The following GC variants were observed in gnomAD, a reference collection of about 807,000 sequenced individuals.
GC encodes GC vitamin D binding protein, also known as vitamin D-binding protein.
Under a neutral mutation model 56.7 loss-of-function variants are expected in GC, and 43 were observed. The observed-to-expected ratio is 0.76, with a 90% CI of 0.59 to 0.98. GC has a LOEUF of 0.98. Ranked by LOEUF, GC falls within the 50% of genes least tolerant of loss-of-function variation. GC has a pLI of 0.00. For missense variants in GC, 529 were observed against 545.9 expected (o/e 0.97, Z 0.31); for synonymous variants, 216 against 202.7 (o/e 1.07, Z -0.56).
chr4:71,764,275 C>T (rs1300342750), intron 4 of GC, among the ~76,000 whole-genome samples: 1 of 152,164 alleles, frequency 6.6e-6, no homozygotes, highest in Non-Finnish European at 1.5e-5. Flanking sequence ...AGCCACCATG[C>T]TTGGCCCCCA....
chr4:71,804,376 C>T (rs35096193), upstream of GC, among the ~76,000 whole-genome samples: 2 of 152,038 alleles, frequency 1.3e-5, no homozygotes, highest in African/African-American at 2.4e-5. Flanking sequence ...GGAGCAGTCA[C>T]GCAGTGTGGG....
intron 12 of GC, among the ~76,000 whole-genome samples, chr4:71,744,214 G>A (rs926086180): frequency 3.3e-5 from 5 of 151,226 alleles, no homozygotes; most frequent in Non-Finnish European, 4.4e-5. Context: ...AGGCCGAGGC[G>A]GGCGGATCAC....
chr4:71,767,608 G>GATATAT (rs201548231), intron 3 of GC, among the ~76,000 whole-genome samples: 2 of 145,998 alleles, frequency 1.4e-5, no homozygotes, highest in East Asian at 2.0e-4. Flanking sequence ...TTCATGAGCT[G>GATATAT]ATATATATAT....
intron 11 of GC, among the ~76,000 whole-genome samples, chr4:71,749,690 T>C (rs1374280458): frequency 1.3e-5 from 2 of 152,330 alleles, no homozygotes; most frequent in Non-Finnish European, 2.9e-5. Flanking sequence ...TAATTAATTA[T>C]TTTATGCTAA....
chr4:71,750,458 C>G (rs187192235), intron 11 of GC, among the ~76,000 whole-genome samples: 2 of 152,146 alleles, frequency 1.3e-5, no homozygotes, highest in Non-Finnish European at 2.9e-5. Context: ...TTTATACTTT[C>G]GTGACTTGCT....
intron 12 of GC, among the ~76,000 whole-genome samples, chr4:71,743,288 T>C (rs1413761403): frequency 6.6e-6 from 1 of 152,164 alleles, no homozygotes; most frequent in Non-Finnish European, 1.5e-5. Context: ...ATGAAACACA[T>C]AGCCAACCAA....
chr4:71,745,026 A>G (rs528861153), intron 12 of GC, among the ~76,000 whole-genome samples: 1 of 152,344 alleles, frequency 6.6e-6, no homozygotes, highest in Non-Finnish European at 1.5e-5. Context: ...TTTAGATTCA[A>G]CCAGTAGTAG....
chr4:71,744,458 CAAAA>C (rs35292398), intron 12 of GC, among the ~76,000 whole-genome samples: 1 of 83,738 alleles, frequency 1.2e-5, no homozygotes. Flanking sequence ...GACTCCATCT[CAAAA>C]AAAAAAAAAA....
In GC at chr4:71,768,452, A is replaced by T. The variant is rs766388905; in HGVS notation, c.129-19T>A. On this transcript the variant is annotated intron_variant, in intron 2 of 12. Transcript: ENST00000273951. ...TAGTGACCTGAGGGGAAAATAAGACAATATATCAATTAGAACTGAAAGGTT... is the reference window on the plus strand; with the variant it reads ...TAGTGACCTGAGGGGAAAATAAGACTATATATCAATTAGAACTGAAAGGTT... The T allele has an allele frequency of 1.9e-6, 3 of 1,593,024 alleles. No homozygotes were observed.
chr4:71,784,318 T>C (rs2149307207), upstream of GC: 8 of 1,077,846 alleles, frequency 7.4e-6, no homozygotes, highest in Non-Finnish European at 7.9e-6. Flanking sequence ...CCAAGGTATA[T>C]AGATTATTTT....
chr4:71,772,846 A>G (rs2149303334), intron 1 of GC, among the ~76,000 whole-genome samples: 1 of 152,230 alleles, frequency 6.6e-6, no homozygotes, highest in Admixed American at 6.5e-5. Context: ...CCCAAAATGT[A>G]CTTCTGATAA....
chr4:71,766,992 C>G (rs939551615), intron 3 of GC, among the ~76,000 whole-genome samples: 1 of 151,970 alleles, frequency 6.6e-6, no homozygotes, highest in Non-Finnish European at 1.5e-5. Context: ...GATGTATTAG[C>G]AAATATATGA....
chr4:71,770,335 G>C (rs1418636645), intron 1 of GC, among the ~76,000 whole-genome samples: 3 of 152,158 alleles, frequency 2.0e-5, no homozygotes, highest in Non-Finnish European at 4.4e-5. Flanking sequence ...CCCCAACAAA[G>C]TGCTATCTAC....
At position 71,794,423 on chromosome 4, in the gene GC, T is replaced by G. The variant is rs550544482; in HGVS notation, c.21+9503A>C. ...TCCAGAAATTTATCCATTTCTTCTA[T>G]ATTTTCTAGTTTATTTGCATAGAGG... On this transcript the variant is annotated intron_variant, in intron 1 of 13. Transcript: ENST00000504199. Among the ~76,000 whole-genome samples the G allele has an allele frequency of 1.2e-4, 18 of 152,186 alleles. No individual in the cohort carries two copies. The South Asian group carries it at 3.3e-3, about 28-fold the overall frequency.
chr4:71,791,418 G>T (rs1182442238), intron 1 of GC, among the ~76,000 whole-genome samples: 2 of 151,864 alleles, frequency 1.3e-5, no homozygotes, highest in Admixed American at 6.6e-5. Context: ...GTTTTTCAGT[G>T]ATTATCCTCA....
At chr4:71,792,062 T>C (rs545570279) in intron 1 of GC, among the ~76,000 whole-genome samples, 1 of 152,370 alleles carries the variant, frequency 6.6e-6, no homozygotes, top group South Asian at 2.1e-4. Context: ...AACCAGTCTA[T>C]CATTGATGGA....
intron 1 of GC, among the ~76,000 whole-genome samples, chr4:71,771,347 A>T (rs941464415): frequency 4.0e-5 from 6 of 151,184 alleles, no homozygotes; most frequent in South Asian, 2.1e-4. Flanking sequence ...TTTTTTTTTT[A>T]AAGATTCTCT....
chr4:71,782,598 T>C (rs1275119616), intron 1 of GC, among the ~76,000 whole-genome samples: 1 of 151,810 alleles, frequency 6.6e-6, no homozygotes, highest in Non-Finnish European at 1.5e-5. Context: ...GCTCTGTTAT[T>C]CTCCAAAGGA....
chr4:71,744,956 G>T (rs1215176234), intron 12 of GC, among the ~76,000 whole-genome samples: 1 of 152,134 alleles, frequency 6.6e-6, no homozygotes, highest in African/African-American at 2.4e-5. Context: ...TTACTTTATC[G>T]TTGGGACATG....
Sources: gnomAD v4.1 joint callset for allele counts (sites outside exome capture counted in the v4.1 genomes callset) on GRCh38, gnomAD v4.1.1 for gene constraint, MANE v1.5 for transcripts, NCBI Gene and HGNC (gene_info 2026-07-23, HGNC 2026-07-21) for gene names.